NCALD: variants seen among roughly 807,000 people sequenced by gnomAD.
NCALD encodes the protein neurocalcin delta.
A neutral mutation model predicts 18.6 loss-of-function variants in NCALD; 10 were observed. The observed-to-expected ratio is 0.54, with a 90% CI of 0.33 to 0.91. NCALD has a LOEUF of 0.91. Among genes scored for constraint, NCALD ranks in the 40% least tolerant of loss-of-function variants. The pLI is 0.03. For missense variants in NCALD, 184 were observed against 247.6 expected, an observed-to-expected ratio of 0.74 and a Z score of 1.72; for synonymous variants, 88 against 87.4, an observed-to-expected ratio of 1.01 and a Z score of -0.04.
chr8:101,880,775 T>C (rs1816462483), intron 4 of NCALD, among the ~76,000 whole-genome samples: 1 of 152,016 alleles, frequency 6.6e-6, no homozygotes, highest in Admixed American at 6.6e-5. Flanking sequence ...ATTTGAGGGG[T>C]AGAAATCACA....
At chr8:101,770,779 A>AT (rs896412746) in intron 1 of NCALD, among the ~76,000 whole-genome samples, 20 of 152,320 alleles carry the variant, frequency 1.3e-4, no homozygotes, top group Admixed American at 1.2e-3. Context: ...CAACACAGTG[A>AT]TTTTTTAAAT....
intron 1 of NCALD, among the ~76,000 whole-genome samples, chr8:102,092,696 T>C (rs1824963124): frequency 1.3e-5 from 2 of 152,212 alleles, no homozygotes; most frequent in South Asian, 4.1e-4. Flanking sequence ...CTTCCTGGAA[T>C]GCCTGGAATT....
chr8:101,949,589 A>G (rs1819310380), intron 2 of NCALD, among the ~76,000 whole-genome samples: 1 of 152,150 alleles, frequency 6.6e-6, no homozygotes, highest in African/African-American at 2.4e-5. Flanking sequence ...CCACATTTGA[A>G]AGACACTAAA....
At chr8:102,016,174 T>C (rs1250307019) in intron 2 of NCALD, among the ~76,000 whole-genome samples, 2 of 152,076 alleles carry the variant, frequency 1.3e-5, no homozygotes, top group African/African-American at 4.8e-5. Context: ...AACTTGCAGG[T>C]CCAGGATCCT....
chr8:102,114,556 C>A (rs1042014727), intron 1 of NCALD, among the ~76,000 whole-genome samples: 4 of 152,182 alleles, frequency 2.6e-5, no homozygotes, highest in African/African-American at 9.7e-5. Flanking sequence ...GAGGAAGTGG[C>A]TGAAGGAACC....
intron 1 of NCALD, among the ~76,000 whole-genome samples, chr8:101,764,066 G>C (rs149146240): frequency 2.6e-4 from 39 of 150,868 alleles, no homozygotes; most frequent in African/African-American, 8.5e-4. Context: ...ACTGAGCTTG[G>C]GATGCCCATT....
At chr8:101,989,313 T>C (rs1170897663) in intron 2 of NCALD, among the ~76,000 whole-genome samples, 1 of 152,164 alleles carries the variant, frequency 6.6e-6, no homozygotes, top group Non-Finnish European at 1.5e-5. Context: ...CTTTGAAAAA[T>C]ATTCTGGCAA....
chr8:102,024,078 A>C (rs1822372868), intron 1 of NCALD, among the ~76,000 whole-genome samples: 3 of 152,224 alleles, frequency 2.0e-5, no homozygotes, highest in South Asian at 4.1e-4. Context: ...AGTTCTTATA[A>C]AGAAGAATGC....
chr8:101,783,919 T>C (rs367924513), intron 1 of NCALD, among the ~76,000 whole-genome samples: 5 of 152,198 alleles, frequency 3.3e-5, no homozygotes, highest in South Asian at 2.1e-4. Context: ...CAAAAGTCTA[T>C]TTAATAATCC....
chr8:101,847,355 C>G, intron 4 of NCALD: 1 of 226,380 alleles, frequency 4.4e-6, no homozygotes, highest in East Asian at 1.1e-4. Flanking sequence ...TGAGCTACAA[C>G]AGGATCGCCC....
intron 1 of NCALD, among the ~76,000 whole-genome samples, chr8:101,747,965 G>A (rs776192018): frequency 3.3e-5 from 5 of 152,074 alleles, no homozygotes; most frequent in Admixed American, 6.6e-5. Flanking sequence ...TGATCTGCCC[G>A]CCTCGGCCTC....
Position 101,912,575 on chromosome 8 carries a change from C to T in NCALD, c.-107+3234G>A, listed in dbSNP as rs115135497. ...ACTTTGTTGGGGGCAAGAGGTGAAA[C>T]CTATTTATTTACCTCGTGCTATAGT... On this transcript the variant is annotated intron_variant, in intron 3 of 6. Coordinates refer to the NCALD transcript ENST00000311028. Among the ~76,000 whole-genome samples the T allele has an allele frequency of 7.9e-3, 1,210 of 152,254 alleles. 10 individuals carry two copies. The highest frequency in any genetic ancestry group is 0.027 in the African/African-American group (1,137 of 41,544).
At chr8:101,901,822 G>A (rs1019680439) in intron 3 of NCALD, among the ~76,000 whole-genome samples, 1 of 151,064 alleles carries the variant, frequency 6.6e-6, no homozygotes, top group Non-Finnish European at 1.5e-5. Context: ...ATGGAGTCTC[G>A]ACTTGTCACC....
At chr8:101,930,821 T>C (rs761815738) in intron 2 of NCALD, among the ~76,000 whole-genome samples, 1 of 152,082 alleles carries the variant, frequency 6.6e-6, no homozygotes, top group Non-Finnish European at 1.5e-5. Flanking sequence ...TGTGTGAAAG[T>C]TGTGGGGGAG....
At chr8:101,818,001 C>T (rs1179957383) in intron 4 of NCALD, among the ~76,000 whole-genome samples, 1 of 152,150 alleles carries the variant, frequency 6.6e-6, no homozygotes, top group African/African-American at 2.4e-5. Context: ...ATTCTGAGCA[C>T]TTGTGGTCGG....
At chr8:102,122,712 C>G (rs1345514368) in intron 1 of NCALD, among the ~76,000 whole-genome samples, 1 of 152,202 alleles carries the variant, frequency 6.6e-6, no homozygotes, top group Non-Finnish European at 1.5e-5. Flanking sequence ...TCAGAAAACA[C>G]AGTAGAGGTT....
At chr8:101,770,880 A>G (rs1364219998) in intron 1 of NCALD, among the ~76,000 whole-genome samples, 2 of 152,224 alleles carry the variant, frequency 1.3e-5, no homozygotes, top group African/African-American at 4.8e-5. Context: ...TTTAGGCCGT[A>G]TTACAATGCA....
intron 2 of NCALD, among the ~76,000 whole-genome samples, chr8:101,916,082 T>C (rs1487109306): frequency 1.3e-5 from 2 of 152,074 alleles, no homozygotes; most frequent in Non-Finnish European, 2.9e-5. Context: ...AAGCAGAGAC[T>C]GAAACAATGG....
intron 4 of NCALD, among the ~76,000 whole-genome samples, chr8:101,862,743 A>G (rs1052918372): frequency 2.0e-5 from 3 of 152,174 alleles, no homozygotes; most frequent in Non-Finnish European, 4.4e-5. Flanking sequence ...TTTGGGGAAG[A>G]GTCAATGTTA....
Sources: allele counts gnomAD v4.1 joint callset (sites outside exome capture counted in the v4.1 genomes callset), GRCh38; gene constraint gnomAD v4.1.1; transcripts MANE v1.5; gene names NCBI Gene and HGNC (gene_info 2026-07-23, HGNC 2026-07-21).